Variants in TM6SF1 observed in about 807,000 individuals in gnomAD.
The protein encoded by TM6SF1 is transmembrane 6 superfamily member 1.
A neutral mutation model predicts 47.1 loss-of-function variants in TM6SF1; 43 were observed. The ratio of observed to expected loss-of-function variants is 0.91; its 90% CI spans 0.72 to 1.18. TM6SF1 has a LOEUF of 1.18. Among genes scored for constraint, TM6SF1 ranks in the 50% most tolerant of loss-of-function variants. TM6SF1 has a pLI of 0.00. For missense variants in TM6SF1, 390 were observed against 449.0 expected, an observed-to-expected ratio of 0.87 and a Z score of 1.19; for synonymous variants, 177 against 166.3, an observed-to-expected ratio of 1.06 and a Z score of -0.49.
Position 83,136,504 on chromosome 15 carries a change from A to T in TM6SF1, c.945A>T (p.Ala315=), listed in dbSNP as rs1344160356. 3 of 1,585,942 alleles carry T rather than the reference A, an allele frequency of 1.9e-6. No individual in the cohort carries two copies. The highest frequency in any genetic ancestry group is 1.7e-4 in the Middle Eastern group (1 of 5,916). The stretch of plus-strand genomic sequence containing the variant: ...AGGCTCAGTTTTCTCACATTGGTGC[A>T]TCTCTTCATGCTAGAACTGCTTATG... ...LAQAQFSHIG[A]SLHARTAYVY... The change falls in exon 10 of 10, where the codon GCA becomes GCT. Residue 315 remains alanine, a synonymous_variant. Transcript: ENST00000322019.
At chr15:83,116,055 T>G in intron 3 of TM6SF1, 113 bp downstream of exon 3, 1 of 795,476 alleles carries the variant, frequency 1.3e-6, no homozygotes, top group South Asian at 1.6e-5. Context: ...CTACGCAGGC[T>G]TTCATTTCCT....
Position 83,136,740 on chromosome 15 carries a change from C to A in TM6SF1, c.*68C>A. ...GTTATACTGGTACTGATATTTTGTC[C>A]CATTTCACTCTCTTCTCATACGTGA... On this transcript the variant is annotated 3_prime_UTR_variant, in exon 10 of 10. Transcript: ENST00000322019. The A allele has an allele frequency of 7.5e-7, 1 of 1,328,200 alleles. No individual in the cohort carries two copies. Among genetic ancestry groups the A allele is most frequent in the Non-Finnish European group, 1.0e-6 (1 of 959,824 alleles). 82.3% of individuals were successfully genotyped at this position (1,328,200 alleles called of 1,614,324 possible). A position where few individuals can be genotyped will look rare whatever the true frequency, so the allele number is the denominator to read the frequency against.
intron 1 of TM6SF1, among the ~76,000 whole-genome samples, chr15:83,108,968 C>T (rs919118585): frequency 6.6e-6 from 1 of 152,124 alleles, no homozygotes; most frequent in Non-Finnish European, 1.5e-5. Context: ...GCATGGGGGA[C>T]CCTGTGCTCC....
chr15:83,120,587 CTTT>C (rs993490763), intron 4 of TM6SF1, among the ~76,000 whole-genome samples: 14 of 125,934 alleles, frequency 1.1e-4, no homozygotes, highest in Non-Finnish European at 6.8e-5. Flanking sequence ...CCAGCTAATT[CTTT>C]TTTTTTTTTT....
In TM6SF1 at chr15:83,126,734, TGA is replaced by T. The variant is rs771516777; in HGVS notation, c.709-19_709-18del. ...ACCAGATGTGATTGTATTTTTATAATGAGTTTATTTTTGTCCTTAGATTGCTT... is the reference window on the plus strand; with the variant it reads ...ACCAGATGTGATTGTATTTTTATAATGTTTATTTTTGTCCTTAGATTGCTT... On this transcript the variant is annotated intron_variant, in intron 7 of 9. Transcript: ENST00000322019. The T allele has an allele frequency of 1.1e-5, 18 of 1,584,864 alleles. No individual in the cohort carries two copies. Among genetic ancestry groups the T allele is most frequent in the Non-Finnish European group, 1.5e-5 (17 of 1,159,132 alleles).
At chr15:83,120,528 A>G (rs983569677) in intron 4 of TM6SF1, among the ~76,000 whole-genome samples, 2 of 148,616 alleles carry the variant, frequency 1.3e-5, no homozygotes, top group Non-Finnish European at 3.0e-5. Context: ...GTTGAAATGT[A>G]GTTTACCCAA....
At chr15:83,119,553 G>C in intron 3 of TM6SF1, 25 bp from the exon 4 acceptor site, 3 of 1,612,394 alleles carry the variant, frequency 1.9e-6, no homozygotes, top group Non-Finnish European at 2.5e-6. Context: ...ATTTAAAGTG[G>C]ACTTCTTTTT....
Position 83,121,943 on chromosome 15 carries a change from C to CTA in TM6SF1, c.425_426dup (p.Trp143IlefsTer8). 1 of 1,608,500 alleles carries CTA rather than the reference C, an allele frequency of 6.2e-7. No homozygotes were observed. Among genetic ancestry groups the CTA allele is most frequent in the Non-Finnish European group, 8.5e-7 (1 of 1,178,538 alleles). On this transcript the variant is annotated frameshift_variant, in exon 5 of 10. Coordinates refer to ENST00000322019, the MANE Select transcript of TM6SF1 (RefSeq NM_023003.5). LOFTEE classifies it high-confidence loss of function. Reference sequence around the variant, plus strand: ...CAGGGAAACTTATAGAACCATTGGCCTATATTGGGTTGGATCTATTATTAT... The same window carrying CTA: ...CAGGGAAACTTATAGAACCATTGGCCTATATATTGGGTTGGATCTATTATTAT...
At chr15:83,115,372 C>G (rs1436301889) in intron 2 of TM6SF1, 5 of 292,024 alleles carry the variant, frequency 1.7e-5, no homozygotes, top group African/African-American at 1.1e-4. Flanking sequence ...CCTGCTTCAG[C>G]CTCCCAAAGT....
intron 9 of TM6SF1, chr15:83,130,933 A>G (rs1485670482): frequency 6.6e-6 from 1 of 152,084 alleles, no homozygotes; most frequent in Admixed American, 6.5e-5. Context: ...TCTACAAAAA[A>G]TACAAAAATT....
rs2033789729 is a variant in TM6SF1, at chr15:83,107,737, C to G, written c.57C>G (p.Val19=). The G allele has an allele frequency of 6.3e-7, 1 of 1,585,262 alleles. No homozygotes were observed. The highest frequency in any genetic ancestry group is 8.6e-7 in the Non-Finnish European group (1 of 1,167,386). Residue 19 remains valine, a synonymous_variant, in exon 1 of 10, where the codon GTC becomes GTG. Transcript: ENST00000322019. The surrounding 1 kb of genome is among the most constrained non-coding windows in gnomAD (Gnocchi z 5.6). ...VFVLSLSAIP[V]TYVFNHLAAQ... ...TGCTGTCCCTCTCGGCCATCCCGGT[C>G]ACCTATGTCTTCAACCACCTGGCGG...
Position 83,136,873 on chromosome 15 carries a change from T to G in TM6SF1, c.*201T>G, listed in dbSNP as rs1483541825. On this transcript the variant is annotated 3_prime_UTR_variant, in exon 10 of 10. Transcript: ENST00000322019. Reference sequence around the variant, plus strand: ...GGAAATTCTTGAGAAACAGTTTGTTTAAAGAAATATATTCAAAATCATTTG... The same window carrying G: ...GGAAATTCTTGAGAAACAGTTTGTTGAAAGAAATATATTCAAAATCATTTG... 1 of 391,058 alleles carries G rather than the reference T, an allele frequency of 2.6e-6. No homozygotes were observed. The highest frequency in any genetic ancestry group is 2.1e-5 in the African/African-American group (1 of 48,534). 24.2% of individuals were successfully genotyped at this position (391,058 alleles called of 1,614,324 possible).
intron 9 of TM6SF1, chr15:83,136,002 G>T (rs2036584230): frequency 6.6e-6 from 1 of 152,496 alleles, no homozygotes; most frequent in African/African-American, 2.4e-5. Flanking sequence ...GGTCCCCCCA[G>T]TGCTTCCCTT....
intron 9 of TM6SF1, 99 bp from the exon 10 acceptor site, chr15:83,136,382 G>A: frequency 9.8e-7 from 1 of 1,018,184 alleles, no homozygotes; most frequent in South Asian, 2.3e-5. Flanking sequence ...TGGTTTTGAG[G>A]GCACAGAAAC....
In TM6SF1 at chr15:83,136,793, C is replaced by CACACATACAGTGCAGAGCAAGAA; in HGVS notation, c.*121_*122insACACATACAGTGCAGAGCAAGAA. ...ACTTAAGAATATGTACATTCTTGCT[C>CACACATACAGTGCAGAGCAAGAA]TGCACTGTATGTGTGAGCTATATGG... On this transcript the variant is annotated 3_prime_UTR_variant, in exon 10 of 10. Coordinates refer to ENST00000322019, the MANE Select transcript of TM6SF1 (RefSeq NM_023003.5). 2.4e-6 allele frequency: 2 copies of CACACATACAGTGCAGAGCAAGAA among 843,780 alleles called. No homozygotes were observed. Among genetic ancestry groups the CACACATACAGTGCAGAGCAAGAA allele is most frequent in the African/African-American group, 1.7e-5 (1 of 58,466 alleles). The allele number at this position is 843,780 out of a possible 1,614,324, so 52.3% of individuals were successfully genotyped here.
intron 2 of TM6SF1, chr15:83,115,606 A>G (rs985889014): frequency 1.5e-6 from 1 of 650,158 alleles, no homozygotes; most frequent in Non-Finnish European, 2.9e-6. Flanking sequence ...ATCATTCTCC[A>G]CTCCTGTGAT....
intron 1 of TM6SF1, chr15:83,111,725 A>C: frequency 1.0e-6 from 1 of 977,778 alleles, no homozygotes; most frequent in Non-Finnish European, 1.2e-6. Context: ...TTTTGTCTAG[A>C]ATTGGAAGCC....
intron 1 of TM6SF1, chr15:83,111,495 C>T (rs1567131116): frequency 3.0e-6 from 1 of 336,080 alleles, no homozygotes. Flanking sequence ...CACCCATCAT[C>T]CATCCATCTA....
intron 6 of TM6SF1, among the ~76,000 whole-genome samples, chr15:83,123,244 T>G (rs776328157): frequency 1.3e-5 from 2 of 152,140 alleles, no homozygotes; most frequent in Non-Finnish European, 2.9e-5. Flanking sequence ...CTGTGACACC[T>G]ATGCATTTAC....
Sources: allele counts gnomAD v4.1 joint callset (sites outside exome capture counted in the v4.1 genomes callset), GRCh38; gene constraint gnomAD v4.1.1; non-coding constraint Gnocchi (gnomAD v3.1); transcripts MANE v1.5; gene names NCBI Gene and HGNC (gene_info 2026-07-23, HGNC 2026-07-21).